The following MSRB3 variants were observed in gnomAD, a reference collection of about 807,000 sequenced individuals.
MSRB3 encodes methionine sulfoxide reductase B3.
Under a neutral mutation model 21.0 loss-of-function variants are expected in MSRB3, and 13 were observed. That is an observed-to-expected ratio of 0.62 (90% CI 0.40 to 0.98). The LOEUF (loss-of-function observed/expected upper bound fraction) is 0.98, where lower values mean the gene tolerates loss of function less well. Among genes scored for constraint, MSRB3 ranks in the 50% least tolerant of loss-of-function variants. MSRB3 has a pLI of 0.00. For synonymous variants in MSRB3, 87 were observed against 88.6 expected, an observed-to-expected ratio of 0.98 and a Z score of 0.10; for missense variants, 199 against 230.3, an observed-to-expected ratio of 0.86 and a Z score of 0.88.
chr12:65,367,487 C>CA (rs1464021452), intron 4 of MSRB3, among the ~76,000 whole-genome samples: 9 of 151,640 alleles, frequency 5.9e-5, no homozygotes, highest in African/African-American at 2.2e-4. Context: ...TGCATAGATG[C>CA]AAAAAATTCT....
At chr12:65,325,008 G>A (rs1874922335) in intron 2 of MSRB3, among the ~76,000 whole-genome samples, 1 of 142,024 alleles carries the variant, frequency 7.0e-6, no homozygotes, top group Non-Finnish European at 1.6e-5. Context: ...ATTTTGTCAT[G>A]TTAAGTTTGC....
intron 2 of MSRB3, among the ~76,000 whole-genome samples, chr12:65,313,249 A>G (rs1283415471): frequency 6.6e-6 from 1 of 152,114 alleles, no homozygotes; most frequent in Non-Finnish European, 1.5e-5. Context: ...TAAAGAGGAA[A>G]TACTACAGAT....
intron 4 of MSRB3, among the ~76,000 whole-genome samples, chr12:65,335,646 C>T (rs1472450244): frequency 6.6e-6 from 1 of 152,104 alleles, no homozygotes; most frequent in East Asian, 1.9e-4. Flanking sequence ...TGTAAGAGCA[C>T]AGTGAGAAGA....
At chr12:65,348,954 A>T (rs1022711385) in intron 4 of MSRB3, among the ~76,000 whole-genome samples, 13 of 152,006 alleles carry the variant, frequency 8.6e-5, no homozygotes, top group African/African-American at 2.7e-4. Flanking sequence ...CATGTGCACA[A>T]TGTGCAGGTT....
intron 5 of MSRB3, among the ~76,000 whole-genome samples, chr12:65,430,034 G>C (rs779924016): frequency 6.6e-6 from 1 of 151,912 alleles, no homozygotes; most frequent in Non-Finnish European, 1.5e-5. Context: ...TTTCAGAGAT[G>C]ACAATTGAAT....
chr12:65,341,174 G>A (rs996824911), intron 4 of MSRB3, among the ~76,000 whole-genome samples: 3 of 151,966 alleles, frequency 2.0e-5, no homozygotes, highest in African/African-American at 7.3e-5. Flanking sequence ...CATCACAGAC[G>A]AATAGATAAA....
chr12:65,390,345 C>T (rs558186217), intron 5 of MSRB3, among the ~76,000 whole-genome samples: 320 of 152,242 alleles, frequency 2.1e-3, no homozygotes, highest in Non-Finnish European at 3.6e-3. Context: ...TCTCAGTACA[C>T]TACGCTGTTT....
rs556859217 is a variant in MSRB3, at chr12:65,462,252, G to A, written c.391-903G>A. On this transcript the variant is annotated intron_variant, in intron 6 of 6. Coordinates refer to ENST00000308259, the MANE Select transcript of MSRB3 (RefSeq NM_001031679.3). ...GTTCGCCCCATCCCTGATGGAAAAG[G>A]GCAGTAGATATCTAAGTGTGACATG... Among the ~76,000 whole-genome samples, 342 of 152,230 alleles carry A rather than the reference G, an allele frequency of 2.2e-3. 1 individual carries two copies. Among genetic ancestry groups the A allele is most frequent in the Non-Finnish European group, 3.9e-3 (263 of 68,026 alleles).
rs373934735 is a variant in MSRB3 at position 65,340,425 on chromosome 12, T to C, written c.263+11822T>C. Among the ~76,000 whole-genome samples, 30 of 152,202 alleles carry C rather than the reference T, an allele frequency of 2.0e-4. 1 individual carries two copies. The East Asian group carries it at 5.2e-3, about 26-fold the overall frequency. ...GGAAAAGAAGATGGGAAAGCAATATTTGAAGAGATAATTGCCAAGAATTTT... is the reference window on the plus strand; with the variant it reads ...GGAAAAGAAGATGGGAAAGCAATATCTGAAGAGATAATTGCCAAGAATTTT... On this transcript the variant is annotated intron_variant, in intron 4 of 6. Transcript: ENST00000308259.
rs147811126 is a variant in MSRB3, at chr12:65,287,076, A to G, written c.-52+8211A>G. Among the ~76,000 whole-genome samples, 22 of 143,724 alleles carry G rather than the reference A, an allele frequency of 1.5e-4. No individual in the cohort carries two copies. In the East Asian group the frequency reaches 4.3e-3, roughly 28 times the overall value. 94.3% of individuals were successfully genotyped at this position (143,724 alleles called of 152,430 possible). The stretch of plus-strand genomic sequence containing the variant: ...ACCAAAAACCGAAAAACAACTCAGG[A>G]CAGTCTTTGTATAAATTAGATAGCC... On this transcript the variant is annotated intron_variant, in intron 1 of 6. Coordinates refer to ENST00000308259, the MANE Select transcript of MSRB3 (RefSeq NM_001031679.3).
At position 65,393,710 on chromosome 12, in the gene MSRB3, A is replaced by G. The variant is rs1879618915; in HGVS notation, c.292+24684A>G. Among the ~76,000 whole-genome samples, 9 of 151,428 alleles carry G rather than the reference A, an allele frequency of 5.9e-5. No homozygotes were observed. The South Asian group carries it at 1.7e-3, about 28-fold the overall frequency. ...TGTTGTTCTTGTTTTGTGTATATATATGTGTGTGTGTATTTACCTGTTTAC... is the reference window on the plus strand; with the variant it reads ...TGTTGTTCTTGTTTTGTGTATATATGTGTGTGTGTGTATTTACCTGTTTAC... On this transcript the variant is annotated intron_variant, in intron 5 of 6. Coordinates refer to ENST00000308259, the MANE Select transcript of MSRB3 (RefSeq NM_001031679.3).
chr12:65,448,010 G>A (rs1035200170), intron 5 of MSRB3, among the ~76,000 whole-genome samples: 5 of 152,112 alleles, frequency 3.3e-5, no homozygotes, highest in East Asian at 1.9e-4. Context: ...TTTGATTTTC[G>A]GTCTCCTAGG....
intron 5 of MSRB3, among the ~76,000 whole-genome samples, chr12:65,384,637 C>T (rs1879117812): frequency 6.6e-6 from 1 of 152,002 alleles, no homozygotes; most frequent in African/African-American, 2.4e-5. Context: ...CTCTTGAAGT[C>T]GTGTTTTACC....
intron 5 of MSRB3, among the ~76,000 whole-genome samples, chr12:65,446,469 A>T (rs1020355937): frequency 1.3e-5 from 2 of 152,194 alleles, no homozygotes; most frequent in African/African-American, 4.8e-5. Context: ...ATGATGCGTC[A>T]AATTTGTTGC....
intron 3 of MSRB3, 130 bp downstream of exon 3, chr12:65,327,064 C>A: frequency 1.4e-6 from 1 of 720,272 alleles, no homozygotes; most frequent in Non-Finnish European, 2.4e-6. Context: ...AATTAGTATC[C>A]TTGAAAAGGT....
chr12:65,352,910 A>G (rs1006359735), intron 4 of MSRB3, among the ~76,000 whole-genome samples: 7 of 151,902 alleles, frequency 4.6e-5, no homozygotes, highest in African/African-American at 1.5e-4. Flanking sequence ...TACAGATTCA[A>G]TGCCATCCCC....
chr12:65,346,238 C>T (rs1357190627), intron 4 of MSRB3, among the ~76,000 whole-genome samples: 12 of 152,304 alleles, frequency 7.9e-5, no homozygotes, highest in East Asian at 7.7e-4. Flanking sequence ...ACATCCTCTC[C>T]GGCACCTGTT....
chr12:65,449,309 G>T (rs1417153628), intron 5 of MSRB3, among the ~76,000 whole-genome samples: 1 of 150,760 alleles, frequency 6.6e-6, no homozygotes, highest in Admixed American at 6.6e-5. Flanking sequence ...TAAATAATTT[G>T]GCAAGAGTCA....
At chr12:65,293,423 A>G (rs1872769570) in intron 1 of MSRB3, among the ~76,000 whole-genome samples, 1 of 151,870 alleles carries the variant, frequency 6.6e-6, no homozygotes, top group Non-Finnish European at 1.5e-5. Context: ...CAGCCTTATC[A>G]TTTTCTCCCC....
Sources: allele counts gnomAD v4.1 joint callset (sites outside exome capture counted in the v4.1 genomes callset), GRCh38; gene constraint gnomAD v4.1.1; transcripts MANE v1.5; gene names NCBI Gene and HGNC (gene_info 2026-07-23, HGNC 2026-07-21).